The following CCDC13 variants were observed in gnomAD, a reference collection of about 807,000 sequenced individuals.
CCDC13 encodes the protein coiled-coil domain containing 13.
In CCDC13, 70 loss-of-function variants were observed where a neutral mutation model predicts 87.3. The ratio of observed to expected loss-of-function variants is 0.80; its 90% CI spans 0.66 to 0.98. The LOEUF (loss-of-function observed/expected upper bound fraction) is 0.98, where lower values mean the gene tolerates loss of function less well. CCDC13 is among the 50% of genes least tolerant of loss of function. The pLI is 0.00. For synonymous variants in CCDC13, 317 were observed against 360.3 expected, an observed-to-expected ratio of 0.88 and a Z score of 1.36; for missense variants, 842 against 892.0, an observed-to-expected ratio of 0.94 and a Z score of 0.71.
chr3:42,705,945 T>C lies in CCDC13; in HGVS notation c.*3035A>G, dbSNP rs1218515840. 4 of 152,306 alleles carry C rather than the reference T, an allele frequency of 2.6e-5. No individual in the cohort carries two copies. Among genetic ancestry groups the C allele is most frequent in the Non-Finnish European group, 1.5e-5 (1 of 68,150 alleles). 9.4% of individuals were successfully genotyped at this position (152,306 alleles called of 1,614,324 possible). A position where few individuals can be genotyped will look rare whatever the true frequency, so the allele number is the denominator to read the frequency against. On this transcript the variant is annotated 3_prime_UTR_variant, in exon 16 of 16. Coordinates refer to ENST00000310232, the MANE Select transcript of CCDC13 (RefSeq NM_144719.4). ...AAGCCCCCTCTCTACCCAGATCTGA[T>C]CAAGGAGGTTGGGAACTTGGGAACT...
chr3:42,729,767 G>A (rs1698777011), intron 13 of CCDC13, among the ~76,000 whole-genome samples: 1 of 152,216 alleles, frequency 6.6e-6, no homozygotes. Context: ...ACTGAATTCA[G>A]CCAGAATTGC....
intron 5 of CCDC13, among the ~76,000 whole-genome samples, chr3:42,751,434 T>C (rs1699576270): frequency 6.6e-6 from 1 of 152,226 alleles, no homozygotes; most frequent in African/African-American, 2.4e-5. Context: ...ACTTTTACTC[T>C]GTAGATTTGG....
intron 13 of CCDC13, among the ~76,000 whole-genome samples, chr3:42,728,961 A>C (rs1484843990): frequency 1.2e-4 from 19 of 152,186 alleles, no homozygotes; most frequent in Non-Finnish European, 1.3e-4. Context: ...AGAGGCCCTG[A>C]AAATGAGATC....
intron 13 of CCDC13, among the ~76,000 whole-genome samples, chr3:42,729,259 T>C (rs1698763760): frequency 6.6e-6 from 1 of 152,270 alleles, no homozygotes; most frequent in Admixed American, 6.5e-5. Context: ...TTTCTACTAC[T>C]TGATAGACTA....
chr3:42,770,734 C>G lies in CCDC13; in HGVS notation c.-7+2442G>C, dbSNP rs11129972. 82 of 153,076 alleles carry G rather than the reference C, an allele frequency of 5.4e-4. 1 individual carries two copies. Among genetic ancestry groups the G allele is most frequent in the African/African-American group, 1.9e-3 (78 of 41,590 alleles). The allele number at this position is 153,076 out of a possible 1,614,324, so 9.5% of individuals were successfully genotyped here. On this transcript the variant is annotated intron_variant, in intron 1 of 15. Transcript: ENST00000310232. ...TAACACTCACCGTGAAGGTCTGCAG[C>G]TTCACTCCTGAAGCCAGCAAGACCA...
chr3:42,725,349 A>G (rs1469505624), intron 13 of CCDC13, among the ~76,000 whole-genome samples: 1 of 152,080 alleles, frequency 6.6e-6, no homozygotes, highest in Non-Finnish European at 1.5e-5. Flanking sequence ...AAAAATGTAA[A>G]GATGCATTTA....
intron 1 of CCDC13, among the ~76,000 whole-genome samples, chr3:42,772,238 C>A (rs184818378): frequency 5.6e-4 from 80 of 141,756 alleles, no homozygotes; most frequent in African/African-American, 2.1e-3. Context: ...CTACTGCACT[C>A]CAGCCTGGGC....
At chr3:42,739,227 C>T (rs1414732212) in intron 9 of CCDC13, among the ~76,000 whole-genome samples, 2 of 152,174 alleles carry the variant, frequency 1.3e-5, no homozygotes, top group Non-Finnish European at 2.9e-5. Flanking sequence ...ATCTTAGGGA[C>T]TAAGCATTAT....
At chr3:42,734,957 G>C (rs1698957816) in intron 10 of CCDC13, among the ~76,000 whole-genome samples, 1 of 152,272 alleles carries the variant, frequency 6.6e-6, no homozygotes, top group African/African-American at 2.4e-5. Flanking sequence ...TCCAGTGCCA[G>C]GCACTGAGGC....
chr3:42,772,283 AAAAAAAAG>A (rs1700138234), intron 1 of CCDC13, among the ~76,000 whole-genome samples: 2 of 34,212 alleles, frequency 5.8e-5, no homozygotes, highest in Non-Finnish European at 7.7e-5. Flanking sequence ...AAAAAAAAAA[AAAAAAAAG>A]TAATAATAAA....
Position 42,733,572 on chromosome 3 carries a change from C to T in CCDC13, c.1409G>A (p.Gly470Asp), listed in dbSNP as rs201282842. 1.2e-6 allele frequency: 2 copies of T among 1,612,782 alleles called. No homozygotes were observed. Among genetic ancestry groups the T allele is most frequent in the East Asian group, 4.5e-5 (2 of 44,826 alleles). Residue 470 changes from glycine (G) to aspartate (D), a missense_variant, in exon 11 of 16, where the codon GGC becomes GAC. Coordinates refer to ENST00000310232, the MANE Select transcript of CCDC13 (RefSeq NM_144719.4). ...RNKGVGEGSS[G>D]REVSPAYTQF... The stretch of plus-strand genomic sequence containing the variant: ...GGTATAGGCAGGGCTGACCTCGCGG[C>T]CACTGGACCCCTCACCCACTCCTTT...
chr3:42,743,248 C>T (rs757001718), intron 7 of CCDC13, among the ~76,000 whole-genome samples, 191 bp from the exon 8 acceptor site: 5 of 151,942 alleles, frequency 3.3e-5, no homozygotes, highest in Non-Finnish European at 7.4e-5. Flanking sequence ...TGGAAGACAC[C>T]AGGAAAGTTC....
intron 14 of CCDC13, among the ~76,000 whole-genome samples, chr3:42,710,633 G>A (rs1698288682): frequency 6.6e-6 from 1 of 152,228 alleles, no homozygotes; most frequent in African/African-American, 2.4e-5. Flanking sequence ...AGGAGTTCAA[G>A]ACCAGTCTGG....
Position 42,747,241 on chromosome 3 carries a change from C to T in CCDC13, c.720+16G>A. 1 of 1,598,222 alleles carries T rather than the reference C, an allele frequency of 6.3e-7. No individual in the cohort carries two copies. Among genetic ancestry groups the T allele is most frequent in the Non-Finnish European group, 8.6e-7 (1 of 1,165,650 alleles). On this transcript the variant is annotated intron_variant, in intron 6 of 15. Coordinates refer to ENST00000310232, the MANE Select transcript of CCDC13 (RefSeq NM_144719.4). ...CCCAGCCACACAAGAAGCCCCAAGC[C>T]CTGGCTCTGAAAGACCTTCTGTGCC...
At chr3:42,747,185 C>G in intron 6 of CCDC13, 72 bp downstream of exon 6, 1 of 1,130,346 alleles carries the variant, frequency 8.8e-7, no homozygotes, top group Non-Finnish European at 1.3e-6. Flanking sequence ...AAGGAATCCA[C>G]TGTGCCAGCC....
chr3:42,750,972 T>TC (rs1699563395), intron 5 of CCDC13, among the ~76,000 whole-genome samples: 1 of 139,786 alleles, frequency 7.2e-6, no homozygotes, highest in Admixed American at 7.8e-5. Flanking sequence ...GAGCCCCTCT[T>TC]CTACTTCCCC....
rs1315918578 is a variant in CCDC13, at chr3:42,758,124, C to A, written c.221+1G>T. 6.2e-7 allele frequency: 1 copy of A among 1,611,136 alleles called. No individual in the cohort carries two copies. The highest frequency in any genetic ancestry group is 8.5e-7 in the Non-Finnish European group (1 of 1,178,220). On this transcript the variant is annotated splice_donor_variant, in intron 2 of 15. Transcript: ENST00000310232. LOFTEE classifies it high-confidence loss of function. Reference sequence around the variant, plus strand: ...CTGAGAGATTTCAAACTTGCATTTACCTCTTCTCAAAGCTATTTTTCGAGT... The same window carrying A: ...CTGAGAGATTTCAAACTTGCATTTAACTCTTCTCAAAGCTATTTTTCGAGT...
intron 1 of CCDC13, among the ~76,000 whole-genome samples, chr3:42,763,757 C>T (rs1699880302): frequency 6.6e-6 from 1 of 152,156 alleles, no homozygotes. Context: ...CCACCCACCT[C>T]AGCCTCCCAA....
At chr3:42,709,278 A>C (rs1575263016) in intron 15 of CCDC13, 139 bp from the exon 16 acceptor site, 1 of 829,044 alleles carries the variant, frequency 1.2e-6, no homozygotes, top group Non-Finnish European at 1.8e-6. Context: ...CCCTCCTCTC[A>C]CTGACTCTTG....
Sources: allele counts gnomAD v4.1 joint callset (sites outside exome capture counted in the v4.1 genomes callset), GRCh38; gene constraint gnomAD v4.1.1; transcripts MANE v1.5; gene names NCBI Gene and HGNC (gene_info 2026-07-23, HGNC 2026-07-21).